The following EHHADH variants were observed in gnomAD, a reference collection of about 807,000 sequenced individuals.
EHHADH encodes enoyl-CoA hydratase and 3-hydroxyacyl CoA dehydrogenase, also known as peroxisomal bifunctional enzyme.
EHHADH carries 48 observed loss-of-function variants against 64.4 expected under a neutral mutation model. The ratio of observed to expected loss-of-function variants is 0.75; its 90% CI spans 0.59 to 0.95. EHHADH has a LOEUF of 0.95. EHHADH is among the 40% of genes least tolerant of loss of function. The pLI is 0.00. For synonymous variants in EHHADH, 308 were observed against 326.7 expected (o/e 0.94, Z 0.62); for missense variants, 854 against 876.6 (o/e 0.97, Z 0.33).
chr3:185,198,054 C>A (rs1718117509), intron 6 of EHHADH, among the ~76,000 whole-genome samples: 1 of 151,738 alleles, frequency 6.6e-6, no homozygotes, highest in Admixed American at 6.6e-5. Flanking sequence ...GCCTTGGCCT[C>A]CCAAAGTGCT....
intron 2 of EHHADH, chr3:185,245,823 C>T: frequency 2.5e-6 from 2 of 785,726 alleles, no homozygotes; most frequent in Non-Finnish European, 4.5e-6. Context: ...ACTCAGACGA[C>T]CTGTGGAGGT....
intron 4 of EHHADH, among the ~76,000 whole-genome samples, chr3:185,223,371 T>A (rs1302586995): frequency 6.6e-6 from 1 of 152,166 alleles, no homozygotes; most frequent in Non-Finnish European, 1.5e-5. Context: ...CTTTTCTAGT[T>A]TAGAATAATG....
chr3:185,247,561 T>G (rs184329468), intron 2 of EHHADH, among the ~76,000 whole-genome samples: 139 of 152,082 alleles, frequency 9.1e-4, no homozygotes, highest in African/African-American at 3.3e-3. Flanking sequence ...TATTATTATT[T>G]AATAAATAAC....
intron 5 of EHHADH, among the ~76,000 whole-genome samples, chr3:185,212,224 T>C (rs1718559908): frequency 6.6e-6 from 1 of 152,256 alleles, no homozygotes; most frequent in Admixed American, 6.5e-5. Context: ...CCTCCCTAGT[T>C]TAGCCAATGC....
At chr3:185,221,741 T>G (rs150280691) in intron 4 of EHHADH, among the ~76,000 whole-genome samples, 3,092 of 151,804 alleles carry the variant, frequency 0.02, 98 homozygotes, top group African/African-American at 0.071. Context: ...CCCGGCTACT[T>G]TTTTGTATTT....
intron 4 of EHHADH, among the ~76,000 whole-genome samples, chr3:185,223,740 A>G (rs959755221): frequency 1.3e-5 from 2 of 152,192 alleles, no homozygotes; most frequent in Non-Finnish European, 2.9e-5. Flanking sequence ...CCTGTGAATG[A>G]GTATAGAGAA....
chr3:185,219,872 AT>A (rs946081301), intron 4 of EHHADH, among the ~76,000 whole-genome samples: 3 of 151,602 alleles, frequency 2.0e-5, no homozygotes, highest in East Asian at 1.9e-4. Context: ...AAGTTCAGTG[AT>A]TTTTTTTTGG....
In EHHADH at chr3:185,190,905, T is replaced by C. The variant is rs1330717523; in HGVS notation, c.*1321A>G. The C allele has an allele frequency of 6.6e-6, 1 of 152,200 alleles. No homozygotes were observed. The highest frequency in any genetic ancestry group is 2.4e-5 in the African/African-American group (1 of 41,438). The allele number at this position is 152,200 out of a possible 1,614,324, so 9.4% of individuals were successfully genotyped here. Reference sequence around the variant, plus strand: ...TGAAGGATAACATCTTCAGCCCCATTTATTTACTAACAACTTTATTGAGAT... The same window carrying C: ...TGAAGGATAACATCTTCAGCCCCATCTATTTACTAACAACTTTATTGAGAT... On this transcript the variant is annotated 3_prime_UTR_variant, in exon 7 of 7. Coordinates refer to ENST00000231887, the MANE Select transcript of EHHADH (RefSeq NM_001966.4).
At position 185,246,432 on chromosome 3, in the gene EHHADH, C is replaced by T. The variant is rs569922339; in HGVS notation, c.178+1982G>A. The T allele has an allele frequency of 2.3e-5, 12 of 515,040 alleles. No homozygotes were observed. In the Admixed American group the frequency reaches 2.5e-4, roughly 11 times the overall value. The allele number at this position is 515,040 out of a possible 1,614,324, so 31.9% of individuals were successfully genotyped here. A position where few individuals can be genotyped will look rare whatever the true frequency, so the allele number is the denominator to read the frequency against. On this transcript the variant is annotated intron_variant, in intron 2 of 6. Coordinates refer to ENST00000231887, the MANE Select transcript of EHHADH (RefSeq NM_001966.4). ...ACAGTAGGATCAAAAATCATCTCAT[C>T]TCCAGATATGGATGCGATTCCAGTG...
chr3:185,237,932 T>G (rs987048607), intron 2 of EHHADH, among the ~76,000 whole-genome samples: 1 of 152,128 alleles, frequency 6.6e-6, no homozygotes, highest in Non-Finnish European at 1.5e-5. Flanking sequence ...GGTCCCTATG[T>G]CTATTACTTC....
Position 185,236,325 on chromosome 3 carries a change from G to A in EHHADH, c.179-863C>T, listed in dbSNP as rs554375134. ...TCCTTATGAGAATCTAATGCCTGAT[G>A]ATCTGAGGTGGAACAGTTTCATCCC... On this transcript the variant is annotated intron_variant, in intron 2 of 6. Transcript: ENST00000231887. Among the ~76,000 whole-genome samples, 8 of 144,100 alleles carry A rather than the reference G, an allele frequency of 5.6e-5. No homozygotes were observed. The South Asian group carries it at 1.6e-3, about 28-fold the overall frequency. 94.5% of individuals were successfully genotyped at this position (144,100 alleles called of 152,430 possible). A position where few individuals can be genotyped will look rare whatever the true frequency, so the allele number is the denominator to read the frequency against.
intron 4 of EHHADH, among the ~76,000 whole-genome samples, chr3:185,224,805 G>T (rs1205256442): frequency 5.3e-5 from 8 of 152,144 alleles, no homozygotes; most frequent in Non-Finnish European, 1.2e-4. Context: ...CATCTTCAAA[G>T]CCAGCACATA....
chr3:185,204,157 AAG>A lies in EHHADH; in HGVS notation c.910+257_910+258del, dbSNP rs1486149751. ...CAAAAAAAAAAAAAAAAAAAAAAAAAAGAATAAAACATTCCCAGTCTGGAGTC... is the reference window on the plus strand; with the variant it reads ...CAAAAAAAAAAAAAAAAAAAAAAAAAAATAAAACATTCCCAGTCTGGAGTC... On this transcript the variant is annotated intron_variant, in intron 6 of 6. Coordinates refer to ENST00000231887, the MANE Select transcript of EHHADH (RefSeq NM_001966.4). 5.7e-4 allele frequency among the ~76,000 whole-genome samples: 85 copies of A among 148,344 alleles called. 6 individuals carry two copies. The East Asian group carries it at 9.1e-3, about 16-fold the overall frequency.
chr3:185,196,525 A>G (rs892095825), intron 6 of EHHADH, among the ~76,000 whole-genome samples: 1 of 152,140 alleles, frequency 6.6e-6, no homozygotes, highest in Non-Finnish European at 1.5e-5. Context: ...CTGTAATCCC[A>G]GCTACTTGGG....
At chr3:185,229,648 C>A in intron 3 of EHHADH, 105 bp from the exon 4 acceptor site, 1 of 617,186 alleles carries the variant, frequency 1.6e-6, no homozygotes. Flanking sequence ...CATGGTGTCA[C>A]TGAATTCAGC....
chr3:185,223,763 TG>T (rs1382523119), intron 4 of EHHADH, among the ~76,000 whole-genome samples: 1 of 152,164 alleles, frequency 6.6e-6, no homozygotes, highest in Non-Finnish European at 1.5e-5. Context: ...TCATCAGGGC[TG>T]GGGCCAAGCT....
At chr3:185,217,805 C>T (rs1339124144) in intron 5 of EHHADH, among the ~76,000 whole-genome samples, 1 of 150,038 alleles carries the variant, frequency 6.7e-6, no homozygotes, top group Non-Finnish European at 1.5e-5. Flanking sequence ...CGTTCTGTCG[C>T]CCAGGATGGA....
chr3:185,217,547 GAAAAAAAA>G (rs755192275), intron 5 of EHHADH, among the ~76,000 whole-genome samples: 1 of 88,106 alleles, frequency 1.1e-5, no homozygotes, highest in Admixed American at 1.5e-4. Context: ...CTCTGTCTCA[GAAAAAAAA>G]AAAAAAAAAA....
At chr3:185,197,685 C>T (rs949501905) in intron 6 of EHHADH, among the ~76,000 whole-genome samples, 42 of 152,070 alleles carry the variant, frequency 2.8e-4, no homozygotes, top group African/African-American at 9.7e-4. Flanking sequence ...TTTTATTTAC[C>T]CATTCATCCT....
Sources: allele counts gnomAD v4.1 joint callset (sites outside exome capture counted in the v4.1 genomes callset), GRCh38; gene constraint gnomAD v4.1.1; transcripts MANE v1.5; gene names NCBI Gene and HGNC (gene_info 2026-07-23, HGNC 2026-07-21).